The following PAM variants were observed in gnomAD, a reference collection of about 807,000 sequenced individuals.
PAM encodes the protein peptidyl-glycine alpha-amidating monooxygenase.
PAM carries 72 observed loss-of-function variants against 122.1 expected under a neutral mutation model. The observed-to-expected ratio is 0.59, with a 90% CI of 0.49 to 0.72. The LOEUF (loss-of-function observed/expected upper bound fraction) is 0.72. Ranked by LOEUF, PAM falls within the 30% of genes least tolerant of loss-of-function variation. The pLI is 0.00. For synonymous variants in PAM, 389 were observed against 404.4 expected, an observed-to-expected ratio of 0.96 and a Z score of 0.46; for missense variants, 1,106 against 1,183.7, an observed-to-expected ratio of 0.93 and a Z score of 0.96.
At chr5:102,872,839 C>T (rs1447974267) in intron 3 of PAM, among the ~76,000 whole-genome samples, 1 of 151,868 alleles carries the variant, frequency 6.6e-6, no homozygotes, top group Non-Finnish European at 1.5e-5. Context: ...TTTTTAATTC[C>T]ATCATTGTGT....
intron 11 of PAM, 36 bp from the exon 12 acceptor site, chr5:102,950,681 A>T: frequency 8.4e-7 from 1 of 1,192,394 alleles, no homozygotes; most frequent in Non-Finnish European, 1.3e-6. Context: ...TTTTATTGGT[A>T]ATATTAATGA....
At chr5:102,828,513 CT>C (rs1315347838) in intron 1 of PAM, among the ~76,000 whole-genome samples, 1 of 152,130 alleles carries the variant, frequency 6.6e-6, no homozygotes, top group Admixed American at 6.6e-5. Context: ...CATCAGAGCC[CT>C]TAACTGCTAT....
At chr5:102,780,635 C>T (rs1318598108) in intron 1 of PAM, among the ~76,000 whole-genome samples, 1 of 152,064 alleles carries the variant, frequency 6.6e-6, no homozygotes, top group Admixed American at 6.6e-5. Context: ...GGCAGCTCTC[C>T]CCACACCAGC....
chr5:102,881,742 C>T (rs749476865), intron 3 of PAM, among the ~76,000 whole-genome samples: 1 of 148,260 alleles, frequency 6.7e-6, no homozygotes, highest in Non-Finnish European at 1.5e-5. Flanking sequence ...TCTTTGGTTA[C>T]GTGAATAAGT....
chr5:102,918,526 A>T (rs1232961720), intron 5 of PAM, among the ~76,000 whole-genome samples: 3 of 152,104 alleles, frequency 2.0e-5, no homozygotes, highest in Non-Finnish European at 4.4e-5. Context: ...TAAAGTAAGT[A>T]AATTTAAATT....
chr5:102,992,347 A>T (rs535895544), intron 16 of PAM, among the ~76,000 whole-genome samples: 63 of 151,212 alleles, frequency 4.2e-4, no homozygotes, highest in African/African-American at 1.3e-3. Context: ...ATGTAAAACT[A>T]TTTTTTTTTC....
intron 1 of PAM, among the ~76,000 whole-genome samples, chr5:102,844,186 T>C (rs902295554): frequency 1.2e-4 from 18 of 151,452 alleles, no homozygotes; most frequent in Non-Finnish European, 2.2e-4. Flanking sequence ...TGATGCAGAG[T>C]GCAAAAAGCC....
chr5:102,917,869 GAC>G (rs947568725), intron 5 of PAM, among the ~76,000 whole-genome samples: 1 of 152,034 alleles, frequency 6.6e-6, no homozygotes, highest in Non-Finnish European at 1.5e-5. Flanking sequence ...AAAAATAGTA[GAC>G]ACAGCATGAA....
chr5:102,965,454 G>C (rs542760304), intron 14 of PAM, among the ~76,000 whole-genome samples: 1 of 151,668 alleles, frequency 6.6e-6, no homozygotes, highest in African/African-American at 2.4e-5. Context: ...TCAAAGTCTA[G>C]ATGTAGTGTT....
intron 7 of PAM, among the ~76,000 whole-genome samples, chr5:102,943,447 T>G (rs546425928): frequency 6.6e-6 from 1 of 152,310 alleles, no homozygotes; most frequent in Admixed American, 6.5e-5. Flanking sequence ...TGGATGTCCT[T>G]AATTAAGTAC....
chr5:103,015,554 T>C (rs1046228508), intron 21 of PAM, among the ~76,000 whole-genome samples: 1 of 152,164 alleles, frequency 6.6e-6, no homozygotes, highest in African/African-American at 2.4e-5. Flanking sequence ...CATAATTTTG[T>C]TTCAAATGAC....
intron 5 of PAM, among the ~76,000 whole-genome samples, chr5:102,924,632 C>G (rs917577096): frequency 5.3e-5 from 8 of 151,574 alleles, no homozygotes; most frequent in African/African-American, 1.9e-4. Flanking sequence ...TACAGACCGT[C>G]TATGTAATGC....
At chr5:102,961,566 T>A (rs1288130371) in intron 14 of PAM, among the ~76,000 whole-genome samples, 1 of 151,942 alleles carries the variant, frequency 6.6e-6, no homozygotes, top group Non-Finnish European at 1.5e-5. Flanking sequence ...CCTTAACCAT[T>A]TAAATTATTG....
intron 3 of PAM, among the ~76,000 whole-genome samples, chr5:102,881,030 C>G (rs2151124048): frequency 6.6e-6 from 1 of 151,424 alleles, no homozygotes; most frequent in Middle Eastern, 3.4e-3. Flanking sequence ...GGATGGTTTT[C>G]TAGAAAAATA....
chr5:102,959,834 A>T, intron 12 of PAM, 41 bp from the exon 13 acceptor site: 1 of 1,414,902 alleles, frequency 7.1e-7, no homozygotes, highest in Non-Finnish European at 1.0e-6. Context: ...CATGTGTTTT[A>T]TGTGAATAGT....
In PAM at chr5:103,011,557, T is replaced by TC. The variant is rs1212120222; in HGVS notation, c.2331+1692dup. ...GCCTGGCTTATTTCATCTATAATGA[T>TC]CTCCAGTTCCATCCATGTTATTGCA... is the stretch of plus-strand genomic sequence containing the variant. On this transcript the variant is annotated intron_variant, in intron 21 of 25. Coordinates refer to ENST00000438793, the MANE Select transcript of PAM (RefSeq NM_001177306.2). Among the ~76,000 whole-genome samples the TC allele has an allele frequency of 5.3e-5, 8 of 152,308 alleles. No individual in the cohort carries two copies. In the South Asian group the frequency reaches 1.0e-3, roughly 20 times the overall value.
chr5:102,951,500 T>C (rs1758878997), intron 12 of PAM, among the ~76,000 whole-genome samples: 1 of 152,104 alleles, frequency 6.6e-6, no homozygotes, highest in Non-Finnish European at 1.5e-5. Context: ...AAACAACTTT[T>C]AAATATTTAC....
Position 102,860,742 on chromosome 5 carries a change from GA to G in PAM, c.-373-5074del, listed in dbSNP as rs199899180. On this transcript the variant is annotated intron_variant, in intron 1 of 25. Transcript: ENST00000438793. ...ACCAAAACATATTAATTATAAAGGG[GA>G]AAAAAATAGTAACAGTATGGTGGAA... 5.6e-3 allele frequency among the ~76,000 whole-genome samples: 855 copies of G among 151,990 alleles called. 11 individuals carry two copies. Among genetic ancestry groups the G allele is most frequent in the African/African-American group, 0.019 (805 of 41,450 alleles).
intron 7 of PAM, among the ~76,000 whole-genome samples, chr5:102,941,264 G>A (rs567518487): frequency 6.6e-6 from 1 of 152,310 alleles, no homozygotes; most frequent in South Asian, 2.1e-4. Context: ...GAAAGTCGTC[G>A]TCTTGCAGGA....
Sources: allele counts gnomAD v4.1 joint callset (sites outside exome capture counted in the v4.1 genomes callset), GRCh38; gene constraint gnomAD v4.1.1; transcripts MANE v1.5; gene names NCBI Gene and HGNC (gene_info 2026-07-23, HGNC 2026-07-21).